C12orf54: variants seen among roughly 807,000 people sequenced by gnomAD.
The protein encoded by C12orf54 is uncharacterized protein C12orf54.
A neutral mutation model predicts 26.4 loss-of-function variants in C12orf54; 24 were observed. The ratio of observed to expected loss-of-function variants is 0.91; its 90% CI spans 0.66 to 1.28. The LOEUF (loss-of-function observed/expected upper bound fraction) is 1.28, where lower values mean the gene tolerates loss of function less well. Ranked by LOEUF, C12orf54 falls within the 50% of genes most tolerant of loss-of-function variation. The pLI is 0.00. For synonymous variants in C12orf54, 54 were observed against 47.0 expected (o/e 1.15, Z -0.61); for missense variants, 154 against 150.9 (o/e 1.02, Z -0.11).
chr12:48,439,748 G>A, the C12orf54 span, among the ~76,000 whole-genome samples: 1 of 152,090 alleles, frequency 6.6e-6, no homozygotes, highest in Admixed American at 6.5e-5. Context: ...GGCCTGTTGT[G>A]GGGTGGTGGG....
At chr12:48,438,193 C>T in the C12orf54 span, among the ~76,000 whole-genome samples, 2 of 152,164 alleles carry the variant, frequency 1.3e-5, no homozygotes, top group Non-Finnish European at 2.9e-5. Flanking sequence ...ATCTAACTTA[C>T]AAGGGACGTG....
chr12:48,472,606 T>C, the C12orf54 span: 1 of 1,600,616 alleles, frequency 6.2e-7, no homozygotes, highest in African/African-American at 1.3e-5. Flanking sequence ...GGTTGTGGGT[T>C]CGGGGTTTAT....
At chr12:48,490,660 G>C in intron 5 of C12orf54, 152 bp from the exon 6 acceptor site, 1 of 857,808 alleles carries the variant, frequency 1.2e-6, no homozygotes, top group South Asian at 1.6e-5. Flanking sequence ...CTCAAAAAAA[G>C]AAAGAAAGAA....
In C12orf54 at chr12:48,483,248, G is replaced by A. The variant is rs764512042; in HGVS notation, c.-49G>A. On this transcript the variant is annotated 5_prime_UTR_variant, in exon 2 of 9. Transcript: ENST00000548364. ...CATTTATGCCTCTCCAGGGCCTGGAGCTATCTCCATCTTCAGCTCCAGAGT... is the reference window on the plus strand; with the variant it reads ...CATTTATGCCTCTCCAGGGCCTGGAACTATCTCCATCTTCAGCTCCAGAGT... The A allele has an allele frequency of 1.1e-5, 17 of 1,557,102 alleles. No individual in the cohort carries two copies. The highest frequency in any genetic ancestry group is 1.4e-5 in the Non-Finnish European group (16 of 1,128,894).
chr12:48,426,637 G>C, the C12orf54 span, among the ~76,000 whole-genome samples: 3 of 152,090 alleles, frequency 2.0e-5, no homozygotes, highest in Admixed American at 6.6e-5. Flanking sequence ...TTGGTAGTTT[G>C]ATAAGAATAG....
the C12orf54 span, among the ~76,000 whole-genome samples, chr12:48,463,260 G>A: frequency 6.6e-6 from 1 of 151,858 alleles, no homozygotes; most frequent in Admixed American, 6.6e-5. Flanking sequence ...TGACCCCATA[G>A]AAATATAAAT....
At chr12:48,427,786 A>G in the C12orf54 span, among the ~76,000 whole-genome samples, 1 of 152,156 alleles carries the variant, frequency 6.6e-6, no homozygotes, top group African/African-American at 2.4e-5. Flanking sequence ...CAATGAAGAA[A>G]CAATGGATTT....
chr12:48,422,487 A>G, the C12orf54 span, among the ~76,000 whole-genome samples: 1 of 152,174 alleles, frequency 6.6e-6, no homozygotes, highest in East Asian at 1.9e-4. Context: ...AGAGTTTTGG[A>G]ATAAACTGGA....
At chr12:48,462,102 G>A in the C12orf54 span, among the ~76,000 whole-genome samples, 1 of 151,296 alleles carries the variant, frequency 6.6e-6, no homozygotes, top group Non-Finnish European at 1.5e-5. Flanking sequence ...ACTAATAAGG[G>A]AATTTTGAGA....
the C12orf54 span, among the ~76,000 whole-genome samples, chr12:48,476,840 G>T: frequency 1.3e-5 from 2 of 152,180 alleles, no homozygotes; most frequent in African/African-American, 4.8e-5. Context: ...AGATCAATGA[G>T]ACAGAAAGTT....
At chr12:48,441,266 C>T in the C12orf54 span, among the ~76,000 whole-genome samples, 4 of 152,106 alleles carry the variant, frequency 2.6e-5, no homozygotes, top group African/African-American at 9.7e-5. Context: ...AGGGCATTTG[C>T]GTAGGCTGTC....
the C12orf54 span, among the ~76,000 whole-genome samples, chr12:48,434,270 C>T: frequency 6.6e-6 from 1 of 152,200 alleles, no homozygotes; most frequent in East Asian, 1.9e-4. Flanking sequence ...CTGGGAAGCT[C>T]GAACTGGGTG....
At chr12:48,464,526 T>C in the C12orf54 span, among the ~76,000 whole-genome samples, 9 of 152,280 alleles carry the variant, frequency 5.9e-5, no homozygotes, top group South Asian at 2.1e-4. Flanking sequence ...TTGCTATTCC[T>C]ATTAAACTTC....
At chr12:48,436,942 C>A in the C12orf54 span, among the ~76,000 whole-genome samples, 1 of 152,042 alleles carries the variant, frequency 6.6e-6, no homozygotes, top group Non-Finnish European at 1.5e-5. Context: ...ACAACAAACC[C>A]TTCAAAAAAT....
the C12orf54 span, among the ~76,000 whole-genome samples, chr12:48,444,098 G>A: frequency 6.6e-6 from 1 of 152,248 alleles, no homozygotes; most frequent in Non-Finnish European, 1.5e-5. Context: ...GAAAATTCCT[G>A]TTGGATATAG....
At chr12:48,481,487 G>C (rs546422937), upstream of C12orf54, among the ~76,000 whole-genome samples, 1 of 152,282 alleles carries the variant, frequency 6.6e-6, no homozygotes, top group African/African-American at 2.4e-5. Context: ...GTGGTGTGCA[G>C]AGAGGGTCCA....
the C12orf54 span, among the ~76,000 whole-genome samples, chr12:48,467,492 G>C: frequency 1.6e-4 from 24 of 152,158 alleles, no homozygotes; most frequent in South Asian, 4.6e-3. Flanking sequence ...ATAATAACAG[G>C]AATCTCAAAA....
chr12:48,453,038 A>G, the C12orf54 span, among the ~76,000 whole-genome samples: 1 of 152,180 alleles, frequency 6.6e-6, no homozygotes, highest in Non-Finnish European at 1.5e-5. Context: ...ACACATGCAC[A>G]TGTCTGTTCA....
the C12orf54 span, among the ~76,000 whole-genome samples, chr12:48,430,148 T>C: frequency 6.6e-6 from 1 of 152,098 alleles, no homozygotes; most frequent in African/African-American, 2.4e-5. Context: ...TATACAAAAA[T>C]TAACTCAAGA....
Sources: gnomAD v4.1 joint callset for allele counts (sites outside exome capture counted in the v4.1 genomes callset) on GRCh38, gnomAD v4.1.1 for gene constraint, MANE v1.5 for transcripts, NCBI Gene and HGNC (gene_info 2026-07-23, HGNC 2026-07-21) for gene names.